GPC5: variants seen among roughly 807,000 people sequenced by gnomAD.
GPC5 encodes the protein glypican-5.
A neutral mutation model predicts 53.9 loss-of-function variants in GPC5; 47 were observed. The ratio of observed to expected loss-of-function variants is 0.87; its 90% CI spans 0.69 to 1.11. GPC5 has a LOEUF of 1.11. Ranked by LOEUF, GPC5 falls within the 50% of genes most tolerant of loss-of-function variation. GPC5 has a pLI of 0.00. For missense variants in GPC5, 748 were observed against 713.1 expected (o/e 1.05, Z -0.56); for synonymous variants, 286 against 263.3 (o/e 1.09, Z -0.84).
At chr13:91,519,143 G>A (rs538880119) in intron 2 of GPC5, among the ~76,000 whole-genome samples, 1 of 152,168 alleles carries the variant, frequency 6.6e-6, no homozygotes, top group East Asian at 1.9e-4. Flanking sequence ...AGTAATTAGT[G>A]ACTTGTATTC....
intron 7 of GPC5, among the ~76,000 whole-genome samples, chr13:92,606,778 T>A (rs1372292774): frequency 1.3e-5 from 2 of 152,146 alleles, no homozygotes; most frequent in Non-Finnish European, 2.9e-5. Context: ...TTGTTTTATT[T>A]TGGGGGAGTT....
chr13:92,294,225 G>T (rs2043017831), intron 7 of GPC5, among the ~76,000 whole-genome samples: 1 of 152,082 alleles, frequency 6.6e-6, no homozygotes, highest in African/African-American at 2.4e-5. Context: ...TTGGGGAGGG[G>T]TCCCTCTTTC....
At chr13:91,854,239 T>C (rs1318291155) in intron 5 of GPC5, among the ~76,000 whole-genome samples, 1 of 151,806 alleles carries the variant, frequency 6.6e-6, no homozygotes, top group Non-Finnish European at 1.5e-5. Flanking sequence ...GAAAATTTCT[T>C]CCTTTTTTAT....
At chr13:92,424,612 A>T (rs1336235843) in intron 7 of GPC5, among the ~76,000 whole-genome samples, 1 of 151,592 alleles carries the variant, frequency 6.6e-6, no homozygotes, top group Admixed American at 6.6e-5. Flanking sequence ...AAAAAGTTAC[A>T]TCTGTTCTTC....
At chr13:92,400,097 C>T (rs1203123181) in intron 7 of GPC5, among the ~76,000 whole-genome samples, 5 of 152,112 alleles carry the variant, frequency 3.3e-5, no homozygotes, top group African/African-American at 1.2e-4. Context: ...GCTACAGAGT[C>T]CGTTTTAAAA....
chr13:91,911,227 G>A (rs1052181876), intron 6 of GPC5, among the ~76,000 whole-genome samples: 6 of 152,108 alleles, frequency 3.9e-5, no homozygotes, highest in Non-Finnish European at 8.8e-5. Context: ...CTCCTAAGTG[G>A]CTAAGAAGTC....
At chr13:91,443,959 T>A (rs1284706733) in intron 1 of GPC5, among the ~76,000 whole-genome samples, 1 of 152,188 alleles carries the variant, frequency 6.6e-6, no homozygotes, top group East Asian at 1.9e-4. Context: ...TATTTGTTTA[T>A]CCCATATTAG....
intron 7 of GPC5, among the ~76,000 whole-genome samples, chr13:92,828,983 G>C (rs562018063): frequency 1.3e-5 from 2 of 152,194 alleles, no homozygotes; most frequent in South Asian, 4.2e-4. Context: ...AATTGCACTT[G>C]TATCCCTAAA....
intron 5 of GPC5, among the ~76,000 whole-genome samples, chr13:91,904,354 T>G (rs2039531671): frequency 6.6e-6 from 1 of 151,832 alleles, no homozygotes; most frequent in African/African-American, 2.4e-5. Flanking sequence ...GAGGAGGATT[T>G]TGAAGAAAAT....
At chr13:92,766,876 G>A (rs1449201730) in intron 7 of GPC5, among the ~76,000 whole-genome samples, 2 of 152,174 alleles carry the variant, frequency 1.3e-5, no homozygotes, top group Non-Finnish European at 2.9e-5. Flanking sequence ...TTTAAACATT[G>A]CTTGGGTTCT....
chr13:92,124,626 G>C (rs919076567), intron 6 of GPC5, among the ~76,000 whole-genome samples: 1 of 152,142 alleles, frequency 6.6e-6, no homozygotes, highest in Non-Finnish European at 1.5e-5. Flanking sequence ...GTTCTGCAGA[G>C]TCAGACTTCT....
In GPC5 at chr13:92,632,517, TACAC is replaced by T. The variant is rs542362175; in HGVS notation, c.1562-233757_1562-233754del. 3.7e-3 allele frequency among the ~76,000 whole-genome samples: 542 copies of T among 147,360 alleles called. 2 individuals carry two copies. The highest frequency in any genetic ancestry group is 0.012 in the African/African-American group (484 of 40,356). On this transcript the variant is annotated intron_variant, in intron 7 of 7. Transcript: ENST00000377067. ...ATATATATGCACACACACATATACA[TACAC>T]ACACACAAGCTACCTGTATAGTTTA...
At chr13:92,795,508 G>T (rs1392548476) in intron 7 of GPC5, among the ~76,000 whole-genome samples, 1 of 152,062 alleles carries the variant, frequency 6.6e-6, no homozygotes, top group East Asian at 1.9e-4. Context: ...CAAAAGCAAT[G>T]GCAACAAAAG....
intron 2 of GPC5, among the ~76,000 whole-genome samples, chr13:91,621,825 C>T (rs182470835): frequency 7.5e-4 from 107 of 142,016 alleles, no homozygotes; most frequent in Admixed American, 4.5e-3. Flanking sequence ...TTGACTGACA[C>T]GATCTCAGGG....
At chr13:92,838,483 C>G (rs955342393) in intron 7 of GPC5, among the ~76,000 whole-genome samples, 1 of 145,238 alleles carries the variant, frequency 6.9e-6, no homozygotes, top group East Asian at 2.0e-4. Context: ...ACTCCGCGCC[C>G]CCCCCAAAAA....
chr13:92,788,223 C>G (rs1876331827), intron 7 of GPC5, among the ~76,000 whole-genome samples: 1 of 151,600 alleles, frequency 6.6e-6, no homozygotes. Flanking sequence ...GGAACATGTC[C>G]ATGTATCTTT....
intron 5 of GPC5, among the ~76,000 whole-genome samples, chr13:91,899,197 T>A (rs1252352266): frequency 6.6e-6 from 1 of 152,134 alleles, no homozygotes; most frequent in Non-Finnish European, 1.5e-5. Flanking sequence ...ATTTTTGAAG[T>A]GCCTTTCCTG....
chr13:91,828,464 C>T (rs1395519414), intron 5 of GPC5, among the ~76,000 whole-genome samples: 2 of 151,978 alleles, frequency 1.3e-5, no homozygotes, highest in African/African-American at 4.8e-5. Context: ...TACCTCACAG[C>T]AATGTCACGT....
At chr13:91,473,693 G>A (rs1201116413) in intron 2 of GPC5, among the ~76,000 whole-genome samples, 2 of 152,076 alleles carry the variant, frequency 1.3e-5, no homozygotes, top group African/African-American at 4.8e-5. Context: ...AGCTTAAACA[G>A]GCAGTTCACC....
Sources: allele counts gnomAD v4.1 joint callset (sites outside exome capture counted in the v4.1 genomes callset), GRCh38; gene constraint gnomAD v4.1.1; transcripts MANE v1.5; gene names NCBI Gene and HGNC (gene_info 2026-07-23, HGNC 2026-07-21).